The following BICRA variants were observed in gnomAD, a reference collection of about 807,000 sequenced individuals.
BICRA encodes BRD4-interacting chromatin-remodeling complex-associated protein.
Under a neutral mutation model 96.9 loss-of-function variants are expected in BICRA, and 31 were observed. That is an observed-to-expected ratio of 0.32 (90% CI 0.24 to 0.43). The LOEUF is 0.43. Ranked by LOEUF, BICRA falls within the 20% of genes least tolerant of loss-of-function variation. The pLI, the probability that BICRA is intolerant of heterozygous loss-of-function variation, is 1.00. For missense variants in BICRA, 2,283 were observed against 2,190.3 expected, an observed-to-expected ratio of 1.04 and a Z score of -0.84; for synonymous variants, 1,350 against 1,071.8, an observed-to-expected ratio of 1.26 and a Z score of -5.07.
intron 1 of BICRA, among the ~76,000 whole-genome samples, chr19:47,639,477 C>G (rs1972351499): frequency 6.6e-6 from 1 of 151,484 alleles, no homozygotes. Context: ...CAGGCGCCCG[C>G]TACTACACAC....
Position 47,702,875 on chromosome 19 carries a change from C to A in BICRA, c.*460C>A. 1 of 184,970 alleles carries A rather than the reference C, an allele frequency of 5.4e-6. No homozygotes were observed. Among genetic ancestry groups the A allele is most frequent in the Non-Finnish European group, 1.1e-5 (1 of 90,844 alleles). 11.5% of individuals were successfully genotyped at this position (184,970 alleles called of 1,614,324 possible). A position where few individuals can be genotyped will look rare whatever the true frequency, so the allele number is the denominator to read the frequency against. ...GCCTCTCCCCGCCGCCCCCAACAGG[C>A]TGTCAAACAAAACCGGAGAGGGGGT... On this transcript the variant is annotated 3_prime_UTR_variant, in exon 15 of 15. Transcript: ENST00000594866.
intron 1 of BICRA, among the ~76,000 whole-genome samples, chr19:47,646,435 A>T (rs1972460065): frequency 1.4e-5 from 1 of 70,238 alleles, no homozygotes; most frequent in Non-Finnish European, 2.7e-5. Flanking sequence ...ACACATGCAC[A>T]CAGACACACG....
chr19:47,681,068 C>A lies in BICRA; in HGVS notation c.1898C>A (p.Thr633Lys). ...PAPQAPPAVS[T>K]PLPLGLQQPQ... ...CCCCAGGCGCCCCCCGCGGTCAGCA[C>A]ACCCCTGCCCCTGGGCCTCCAGCAG... The change falls in exon 6 of 15, where the codon ACA becomes AAA. Residue 633 changes from threonine to lysine, a missense_variant. By Grantham distance (78) the Thr-to-Lys change is moderately conservative. Transcript: ENST00000594866. 7.0e-7 allele frequency: 1 copy of A among 1,419,662 alleles called. No individual in the cohort carries two copies. The highest frequency in any genetic ancestry group is 9.2e-7 in the Non-Finnish European group (1 of 1,089,234). The allele number at this position is 1,419,662 out of a possible 1,614,324, so 87.9% of individuals were successfully genotyped here. A position where few individuals can be genotyped will look rare whatever the true frequency, so the allele number is the denominator to read the frequency against.
chr19:47,624,665 T>C (rs1277634838), intron 1 of BICRA, among the ~76,000 whole-genome samples: 1 of 151,670 alleles, frequency 6.6e-6, no homozygotes, highest in Non-Finnish European at 1.5e-5. Flanking sequence ...TAACAAGTTA[T>C]GCCTGTACCT....
intron 4 of BICRA, among the ~76,000 whole-genome samples, chr19:47,674,380 T>A (rs767548413): frequency 6.6e-6 from 1 of 151,072 alleles, no homozygotes; most frequent in Non-Finnish European, 1.5e-5. Context: ...GCAGCTCTGA[T>A]GGGCCCTTAA....
chr19:47,670,947 A>G (rs1291302957), intron 2 of BICRA, among the ~76,000 whole-genome samples: 1 of 151,960 alleles, frequency 6.6e-6, no homozygotes, highest in Non-Finnish European at 1.5e-5. Context: ...AGGCAGCGAG[A>G]GCCCGGGAGG....
At chr19:47,640,224 GTGACA>G (rs1972363619) in intron 1 of BICRA, among the ~76,000 whole-genome samples, 2 of 152,196 alleles carry the variant, frequency 1.3e-5, no homozygotes, top group Non-Finnish European at 2.9e-5. Context: ...GAGTGGGGAT[GTGACA>G]TGAACAAGTC....
intron 1 of BICRA, among the ~76,000 whole-genome samples, chr19:47,615,197 T>C (rs1161261791): frequency 6.6e-6 from 1 of 152,234 alleles, no homozygotes; most frequent in Admixed American, 6.5e-5. Context: ...TTGCCCAGGC[T>C]GGTCTTGAAA....
intron 1 of BICRA, among the ~76,000 whole-genome samples, chr19:47,667,950 G>C (rs947768523): frequency 6.6e-6 from 1 of 152,130 alleles, no homozygotes; most frequent in Non-Finnish European, 1.5e-5. Flanking sequence ...CAGCCTGGGT[G>C]GGGTGCGGTG....
chr19:47,679,804 C>T lies in BICRA; in HGVS notation c.634C>T (p.Pro212Ser). Residue 212 changes from proline to serine, a missense_variant, in exon 6 of 15, where the codon CCG becomes TCG. Pro to Ser is a moderately conservative substitution (Grantham distance 74). Coordinates refer to ENST00000594866, the MANE Select transcript of BICRA (RefSeq NM_001394372.1). ...GLGNVTLQPI[P>S]GLQGLPNGSP... ...GGGCAATGTGACACTGCAGCCCATC[C>T]CGGGCCTCCAAGGCCTGCCCAATGG... 4.7e-6 allele frequency: 7 copies of T among 1,488,174 alleles called. No individual in the cohort carries two copies. The highest frequency in any genetic ancestry group is 1.3e-5 in the South Asian group (1 of 75,708). 92.2% of individuals were successfully genotyped at this position (1,488,174 alleles called of 1,614,324 possible). A position where few individuals can be genotyped will look rare whatever the true frequency, so the allele number is the denominator to read the frequency against.
chr19:47,621,872 A>C (rs951575030), intron 1 of BICRA, among the ~76,000 whole-genome samples: 1 of 151,658 alleles, frequency 6.6e-6, no homozygotes, highest in Admixed American at 6.6e-5. Flanking sequence ...GCTCACTGCA[A>C]CCTCCACCTC....
chr19:47,627,505 G>A (rs2123518422), intron 1 of BICRA, among the ~76,000 whole-genome samples: 1 of 152,226 alleles, frequency 6.6e-6, no homozygotes, highest in South Asian at 2.1e-4. Context: ...GGATGATGTG[G>A]GACCCCCCAG....
chr19:47,608,400 C>T (rs921379210), upstream of BICRA: 4 of 152,336 alleles, frequency 2.6e-5, no homozygotes, highest in African/African-American at 9.6e-5. Context: ...GGGGGAACTC[C>T]CCTCCATCCC....
In BICRA at chr19:47,648,938, G is replaced by A. The variant is rs1285451126; in HGVS notation, c.-107-21505G>A. Reference sequence around the variant, plus strand: ...ACGATCTTGGCTCACTGCAAGCTCCGCCTCCTGGGCTCACGCCATTCTCCT... The same window carrying A: ...ACGATCTTGGCTCACTGCAAGCTCCACCTCCTGGGCTCACGCCATTCTCCT... On this transcript the variant is annotated intron_variant, in intron 1 of 14. Transcript: ENST00000594866. Among the ~76,000 whole-genome samples, 5 of 150,402 alleles carry A rather than the reference G, an allele frequency of 3.3e-5. No individual in the cohort carries two copies. In the South Asian group the frequency reaches 6.3e-4, roughly 19 times the overall value.
In BICRA at chr19:47,698,373, A is replaced by C. The variant is rs534673706; in HGVS notation, c.3249-261A>C. 6.6e-6 allele frequency among the ~76,000 whole-genome samples: 1 copy of C among 152,182 alleles called. No homozygotes were observed. Among genetic ancestry groups the C allele is most frequent in the South Asian group, 2.1e-4 (1 of 4,824 alleles). On this transcript the variant is annotated intron_variant, in intron 11 of 14. Transcript: ENST00000594866. The surrounding 1 kb of genome is among the most constrained non-coding windows in gnomAD (Gnocchi z 4.8). ...GCTCTTCCTCCCTTACGTGCTTTGG[A>C]GAGGAGTGACTTCACTTCCTCGACC... is the stretch of plus-strand genomic sequence containing the variant.
chr19:47,638,997 T>A (rs961718468), intron 1 of BICRA, among the ~76,000 whole-genome samples: 8 of 151,396 alleles, frequency 5.3e-5, no homozygotes, highest in South Asian at 4.2e-4. Flanking sequence ...TTGTTTTTCC[T>A]TTTCAAAAAT....
chr19:47,694,451 C>T lies in BICRA; in HGVS notation c.2620C>T (p.Pro874Ser). 2.7e-6 allele frequency: 2 copies of T among 745,908 alleles called. No individual in the cohort carries two copies. Among genetic ancestry groups the T allele is most frequent in the Non-Finnish European group, 4.4e-6 (2 of 456,784 alleles). The allele number at this position is 745,908 out of a possible 1,614,324, so 46.2% of individuals were successfully genotyped here. Residue 874 changes from proline to serine, a missense_variant, in exon 8 of 15, where the codon CCC becomes TCC. Coordinates refer to ENST00000594866, the MANE Select transcript of BICRA (RefSeq NM_001394372.1). ...PQSQPPEGPL[P>S]PAPHLPPSST... ...GTCCCAGCCGCCTGAGGGACCGCTG[C>T]CCCCAGCCCCCCACCTCCCTCCATC...
intron 1 of BICRA, among the ~76,000 whole-genome samples, chr19:47,668,143 T>A (rs965310742): frequency 6.6e-6 from 1 of 152,116 alleles, no homozygotes; most frequent in Non-Finnish European, 1.5e-5. Flanking sequence ...GGTAGGAGAA[T>A]CGCTTGAACC....
At chr19:47,647,470 G>A (rs568521703) in intron 1 of BICRA, among the ~76,000 whole-genome samples, 42 of 152,212 alleles carry the variant, frequency 2.8e-4, no homozygotes, top group African/African-American at 9.9e-4. Flanking sequence ...TAGGATCTGG[G>A]TTGTTTCAGT....
Sources: allele counts gnomAD v4.1 joint callset (sites outside exome capture counted in the v4.1 genomes callset), GRCh38; gene constraint gnomAD v4.1.1; non-coding constraint Gnocchi (gnomAD v3.1); transcripts MANE v1.5; gene names NCBI Gene and HGNC (gene_info 2026-07-23, HGNC 2026-07-21).